The following SIM1 variants were observed in gnomAD, a reference collection of about 807,000 sequenced individuals.
The protein encoded by SIM1 is single-minded homolog 1.
In SIM1, 18 loss-of-function variants were observed where a neutral mutation model predicts 78.2. That is an observed-to-expected ratio of 0.23 (90% CI 0.16 to 0.34). The LOEUF (loss-of-function observed/expected upper bound fraction) is 0.34. Ranked by LOEUF, SIM1 falls within the 10% of genes least tolerant of loss-of-function variation. The pLI is 1.00. For missense variants in SIM1, 939 were observed against 975.1 expected, an observed-to-expected ratio of 0.96 and a Z score of 0.49; for synonymous variants, 417 against 385.2, an observed-to-expected ratio of 1.08 and a Z score of -0.97.
chr6:100,391,131 T>G, intron 11 of SIM1, 40 bp from the exon 12 acceptor site: 1 of 1,532,304 alleles, frequency 6.5e-7, no homozygotes, highest in Non-Finnish European at 8.7e-7. Flanking sequence ...GATCTCAGAA[T>G]TCACCCTCAA....
At chr6:100,441,794 C>G (rs183757120) in intron 9 of SIM1, among the ~76,000 whole-genome samples, 82 of 152,188 alleles carry the variant, frequency 5.4e-4, no homozygotes, top group Non-Finnish European at 7.5e-4. Context: ...ATCTGCGCAC[C>G]CTTGTGAAGC....
chr6:100,458,733 A>C (rs1326083957), intron 2 of SIM1, among the ~76,000 whole-genome samples: 1 of 151,680 alleles, frequency 6.6e-6, no homozygotes, highest in Non-Finnish European at 1.5e-5. Context: ...CCTCGACATG[A>C]TTGTCCCCTG....
intron 9 of SIM1, among the ~76,000 whole-genome samples, chr6:100,445,873 T>C (rs941691852): frequency 4.6e-4 from 70 of 152,342 alleles, no homozygotes; most frequent in African/African-American, 1.6e-3. Context: ...TGTATTATGC[T>C]TTGCCATTCT....
At position 100,388,017 on chromosome 6, in the gene SIM1, C is replaced by A. The variant is rs553678447; in HGVS notation, c.*2344G>T. On this transcript the variant is annotated 3_prime_UTR_variant, in exon 12 of 12. Transcript: ENST00000369208. ...TTTTTTCTTCCAAACATCTATCAAT[C>A]TACAGAATTCTACAAAACCTTTAGC... is the stretch of plus-strand genomic sequence containing the variant. 2.0e-5 allele frequency: 3 copies of A among 152,290 alleles called. No individual in the cohort carries two copies. The highest frequency in any genetic ancestry group is 4.4e-5 in the Non-Finnish European group (3 of 67,996). The allele number at this position is 152,290 out of a possible 1,614,324, so 9.4% of individuals were successfully genotyped here. A position where few individuals can be genotyped will look rare whatever the true frequency, so the allele number is the denominator to read the frequency against.
chr6:100,400,222 A>T (rs1582608190), intron 10 of SIM1, among the ~76,000 whole-genome samples: 2 of 151,972 alleles, frequency 1.3e-5, no homozygotes, highest in African/African-American at 4.8e-5. Flanking sequence ...AATAATAAAG[A>T]CTACAGAAGA....
intron 9 of SIM1, among the ~76,000 whole-genome samples, chr6:100,443,083 G>A (rs1772257397): frequency 6.6e-6 from 1 of 151,810 alleles, no homozygotes. Flanking sequence ...TCATTGACAT[G>A]AAGGAAGTAC....
intron 7 of SIM1, 28 bp downstream of exon 7, chr6:100,448,451 G>C: frequency 6.2e-7 from 1 of 1,608,112 alleles, no homozygotes; most frequent in Admixed American, 1.7e-5. Flanking sequence ...CAGGCTAGGA[G>C]AGGCCCTTTC....
rs1772480420 is a variant in SIM1 at position 100,450,508 on chromosome 6, C to T, written c.259-152G>A. Reference sequence around the variant, plus strand: ...GAAACAGGGCATAGAAAACTAGCCACATGAGCCCTTTTGTTCATTCTAAAT... The same window carrying T: ...GAAACAGGGCATAGAAAACTAGCCATATGAGCCCTTTTGTTCATTCTAAAT... On this transcript the variant is annotated intron_variant, in intron 3 of 11. Coordinates refer to ENST00000369208, the MANE Select transcript of SIM1 (RefSeq NM_005068.3). 9.3e-6 allele frequency: 6 copies of T among 648,436 alleles called. No individual in the cohort carries two copies. In the East Asian group the frequency reaches 1.1e-4, roughly 12 times the overall value. The allele number at this position is 648,436 out of a possible 1,614,324, so 40.2% of individuals were successfully genotyped here.
At chr6:100,443,348 C>T (rs946514918) in intron 9 of SIM1, among the ~76,000 whole-genome samples, 3 of 152,062 alleles carry the variant, frequency 2.0e-5, no homozygotes, top group Admixed American at 1.3e-4. Context: ...AGCAGAGAAG[C>T]TGTCTTTGCT....
intron 9 of SIM1, among the ~76,000 whole-genome samples, chr6:100,442,044 C>T (rs1041501929): frequency 1.3e-5 from 2 of 152,198 alleles, no homozygotes; most frequent in African/African-American, 4.8e-5. Context: ...ATCTGAGCCT[C>T]AGTTTCCACA....
chr6:100,406,140 T>C (rs1045427821), intron 10 of SIM1, among the ~76,000 whole-genome samples: 2 of 152,178 alleles, frequency 1.3e-5, no homozygotes, highest in African/African-American at 4.8e-5. Flanking sequence ...GTAGAAATAG[T>C]TCTAGCCCAC....
rs191948934 is a variant in SIM1, at chr6:100,441,663, C to T, written c.998+5605G>A. Among the ~76,000 whole-genome samples the T allele has an allele frequency of 4.5e-3, 690 of 152,274 alleles. 4 individuals carry two copies. Among genetic ancestry groups the T allele is most frequent in the Non-Finnish European group, 7.7e-3 (521 of 68,016 alleles). ...AAACAACTAAAATGTTTGCAGGCTA[C>T]ATTTTCTTCTTACAAAATGAAAATG... On this transcript the variant is annotated intron_variant, in intron 9 of 11. Transcript: ENST00000369208.
At chr6:100,391,749 T>A (rs940195308) in intron 11 of SIM1, among the ~76,000 whole-genome samples, 1 of 152,214 alleles carries the variant, frequency 6.6e-6, no homozygotes, top group African/African-American at 2.4e-5. Context: ...TGGATATAAC[T>A]GAAGATTATA....
chr6:100,385,533 G>A lies in SIM1; in HGVS notation c.*4828C>T, dbSNP rs1044931856. On this transcript the variant is annotated 3_prime_UTR_variant, in exon 12 of 12. Coordinates refer to ENST00000369208, the MANE Select transcript of SIM1 (RefSeq NM_005068.3). Reference sequence around the variant, plus strand: ...CATGTGTCCCAGGTCAGCAAATTAGGGCAAATTAACCCCAACCCCATATAG... The same window carrying A: ...CATGTGTCCCAGGTCAGCAAATTAGAGCAAATTAACCCCAACCCCATATAG... 2 of 151,818 alleles carry A rather than the reference G, an allele frequency of 1.3e-5. No individual in the cohort carries two copies. The highest frequency in any genetic ancestry group is 4.8e-5 in the African/African-American group (2 of 41,344). The allele number at this position is 151,818 out of a possible 1,614,324, so 9.4% of individuals were successfully genotyped here. A position where few individuals can be genotyped will look rare whatever the true frequency, so the allele number is the denominator to read the frequency against.
intron 10 of SIM1, among the ~76,000 whole-genome samples, chr6:100,401,610 G>GA (rs959317568): frequency 6.6e-6 from 1 of 151,474 alleles, no homozygotes; most frequent in Non-Finnish European, 1.5e-5. Context: ...AAGGGAAAGA[G>GA]AAAAAAAATG....
chr6:100,391,114 A>C (rs1304938528), intron 11 of SIM1, 23 bp from the exon 12 acceptor site: 1 of 1,552,028 alleles, frequency 6.4e-7, no homozygotes, highest in African/African-American at 1.4e-5. Flanking sequence ...AAAAGTCAAA[A>C]GTAAGTGATC....
chr6:100,396,116 A>C, intron 10 of SIM1: 1 of 982,176 alleles, frequency 1.0e-6, no homozygotes, highest in Non-Finnish European at 1.2e-6. Flanking sequence ...CTCTCTTTTC[A>C]CAAGATATCG....
chr6:100,460,798 G>A (rs934224221), intron 2 of SIM1, among the ~76,000 whole-genome samples: 1 of 152,156 alleles, frequency 6.6e-6, no homozygotes, highest in African/African-American at 2.4e-5. Flanking sequence ...TCCTTTGAAA[G>A]CTGTTGTTGT....
chr6:100,438,178 C>T lies in SIM1; in HGVS notation c.998+9090G>A, dbSNP rs188143292. ...CAATCAGCAGAATAAACACACAACA[C>T]ACAGATTGGAAGAAAATATTTGCAA... On this transcript the variant is annotated intron_variant, in intron 9 of 11. Coordinates refer to ENST00000369208, the MANE Select transcript of SIM1 (RefSeq NM_005068.3). Among the ~76,000 whole-genome samples, 146 of 152,186 alleles carry T rather than the reference C, an allele frequency of 9.6e-4. 2 individuals carry two copies. The highest frequency in any genetic ancestry group is 3.4e-3 in the African/African-American group (141 of 41,526).
Sources: gnomAD v4.1 joint callset for allele counts (sites outside exome capture counted in the v4.1 genomes callset) on GRCh38, gnomAD v4.1.1 for gene constraint, MANE v1.5 for transcripts, NCBI Gene and HGNC (gene_info 2026-07-23, HGNC 2026-07-21) for gene names.